The following TOP6BL variants were observed in gnomAD, a reference collection of about 807,000 sequenced individuals.
TOP6BL encodes TOP6B like initiator of meiotic double strand breaks.
At chr11:66,829,341 C>T in the TOP6BL span, among the ~76,000 whole-genome samples, 102 of 152,140 alleles carry the variant, frequency 6.7e-4, 1 homozygote, top group East Asian at 4.7e-3. Flanking sequence ...TTTGGGAGGC[C>T]AAGGTAGGTG....
At chr11:66,784,507 A>G in the TOP6BL span, among the ~76,000 whole-genome samples, 2 of 152,202 alleles carry the variant, frequency 1.3e-5, no homozygotes, top group African/African-American at 4.8e-5. Context: ...TTTCATCCAG[A>G]AAAAGAAACC....
the TOP6BL span, among the ~76,000 whole-genome samples, chr11:66,786,542 C>T: frequency 1.1e-3 from 161 of 150,924 alleles, 5 homozygotes; most frequent in Non-Finnish European, 7.2e-4. Context: ...AAATTGATTT[C>T]CCCCCAAATA....
the TOP6BL span, among the ~76,000 whole-genome samples, chr11:66,763,050 G>T: frequency 6.6e-6 from 1 of 152,096 alleles, no homozygotes; most frequent in African/African-American, 2.4e-5. Context: ...TACAAATAAA[G>T]AAAATTAGCC....
the TOP6BL span, among the ~76,000 whole-genome samples, chr11:66,795,561 C>T: frequency 6.6e-6 from 1 of 152,090 alleles, no homozygotes; most frequent in African/African-American, 2.4e-5. Context: ...CTCGGCCTCC[C>T]AAAGTGCCGG....
the TOP6BL span, chr11:66,838,261 G>C: frequency 1.1e-6 from 1 of 878,648 alleles, no homozygotes. Flanking sequence ...TCCAGGTGAG[G>C]GCAGATAACC....
the TOP6BL span, chr11:66,800,696 G>A: frequency 1.2e-6 from 2 of 1,601,610 alleles, no homozygotes; most frequent in Admixed American, 1.7e-5. Context: ...GAGATCTTTG[G>A]GTAAGTTCTT....
At chr11:66,770,546 A>G in the TOP6BL span, among the ~76,000 whole-genome samples, 1 of 152,142 alleles carries the variant, frequency 6.6e-6, no homozygotes, top group African/African-American at 2.4e-5. Context: ...TCTACTAAAA[A>G]TACAAAAATT....
At chr11:66,840,688 T>G in the TOP6BL span, among the ~76,000 whole-genome samples, 3 of 152,190 alleles carry the variant, frequency 2.0e-5, no homozygotes, top group Admixed American at 1.3e-4. Flanking sequence ...CTGAAACTTC[T>G]CTCCTCAGGG....
the TOP6BL span, among the ~76,000 whole-genome samples, chr11:66,780,868 C>T: frequency 6.6e-6 from 1 of 152,176 alleles, no homozygotes; most frequent in African/African-American, 2.4e-5. Context: ...AGGCATGAGC[C>T]ACCGCGCGTG....
At chr11:66,818,051 A>G in the TOP6BL span, among the ~76,000 whole-genome samples, 1 of 152,096 alleles carries the variant, frequency 6.6e-6, no homozygotes. Flanking sequence ...TGCTTCTGAT[A>G]TGTCTCTGTT....
chr11:66,744,819 G>GGGGGGCGGCGGCGGCGGCGGC, the TOP6BL span: 5 of 1,230,502 alleles, frequency 4.1e-6, no homozygotes, highest in African/African-American at 6.3e-5. Context: ...GCTGAGGAGG[G>GGGGGGCGGCGGCGGCGGCGGC]GGCGGCGGCG....
At chr11:66,837,122 T>C in the TOP6BL span, among the ~76,000 whole-genome samples, 2 of 152,014 alleles carry the variant, frequency 1.3e-5, no homozygotes, top group Non-Finnish European at 2.9e-5. Context: ...GAAGCACAAA[T>C]TTTATTTTAT....
At chr11:66,814,253 C>CTTGTTT in the TOP6BL span, among the ~76,000 whole-genome samples, 3 of 151,212 alleles carry the variant, frequency 2.0e-5, no homozygotes, top group African/African-American at 4.9e-5. Flanking sequence ...TTTTTTGTTG[C>CTTGTTT]TTGTTTTTGT....
the TOP6BL span, among the ~76,000 whole-genome samples, chr11:66,796,804 ACAACTTT>A: frequency 0.016 from 2,311 of 149,024 alleles, 32 homozygotes; most frequent in South Asian, 0.043. Context: ...AAAAAAAAAG[ACAACTTT>A]CAACTTTCAA....
At chr11:66,840,311 T>G in the TOP6BL span, among the ~76,000 whole-genome samples, 1 of 152,200 alleles carries the variant, frequency 6.6e-6, no homozygotes, top group African/African-American at 2.4e-5. Context: ...TGCTTCATAC[T>G]TACGGATCTC....
chr11:66,798,597 C>CAAA, the TOP6BL span, among the ~76,000 whole-genome samples: 15 of 43,190 alleles, frequency 3.5e-4, no homozygotes, highest in Admixed American at 7.4e-4. Flanking sequence ...GACTCTGTCT[C>CAAA]AAAAAAAAAA....
At chr11:66,832,735 G>A in the TOP6BL span, among the ~76,000 whole-genome samples, 2 of 152,290 alleles carry the variant, frequency 1.3e-5, no homozygotes, top group South Asian at 2.1e-4. Context: ...CGCTGTCCAC[G>A]CCTTGCGCAA....
At chr11:66,816,324 C>A in the TOP6BL span, 1 of 1,092,016 alleles carries the variant, frequency 9.2e-7, no homozygotes. Flanking sequence ...CAGTGAAAAA[C>A]CTTGCTTAAT....
At chr11:66,828,125 A>G in the TOP6BL span, 1 of 613,704 alleles carries the variant, frequency 1.6e-6, no homozygotes, top group South Asian at 2.0e-5. Context: ...TACTGCCTTC[A>G]TGAAAACTAA....
Sources: allele counts gnomAD v4.1 joint callset (sites outside exome capture counted in the v4.1 genomes callset), GRCh38; gene constraint gnomAD v4.1.1; transcripts MANE v1.5; gene names NCBI Gene and HGNC (gene_info 2026-07-23, HGNC 2026-07-21).